ZFHX3: variants seen among roughly 807,000 people sequenced by gnomAD.
ZFHX3 encodes zinc finger homeobox 3.
A neutral mutation model predicts 279.1 loss-of-function variants in ZFHX3; 42 were observed. That is an observed-to-expected ratio of 0.15 (90% CI 0.12 to 0.19). The LOEUF (loss-of-function observed/expected upper bound fraction) is 0.19. ZFHX3 is among the 10% of genes least tolerant of loss of function. The pLI is 1.00. For synonymous variants in ZFHX3, 2,293 were observed against 1,957.8 expected (o/e 1.17, Z -4.52); for missense variants, 4,981 against 4,754.0 (o/e 1.05, Z -1.40).
At chr16:73,238,424 C>T (rs762250307) in intron 5 of ZFHX3, among the ~76,000 whole-genome samples, 36 of 152,014 alleles carry the variant, frequency 2.4e-4, no homozygotes, top group African/African-American at 7.2e-5. Context: ...AACCTGCCTC[C>T]CTTCACCCTC....
chr16:73,753,221 T>C (rs1474471815), intron 1 of ZFHX3, among the ~76,000 whole-genome samples: 1 of 152,160 alleles, frequency 6.6e-6, no homozygotes, highest in Non-Finnish European at 1.5e-5. Context: ...GCAAGACTTG[T>C]GTTCCGGTCG....
At chr16:73,654,324 C>G (rs9929712) in intron 2 of ZFHX3, among the ~76,000 whole-genome samples, 1 of 152,156 alleles carries the variant, frequency 6.6e-6, no homozygotes, top group African/African-American at 2.4e-5. Flanking sequence ...TGAAATGATA[C>G]TCAAAAATTT....
chr16:73,049,739 G>A (rs1324721797), upstream of ZFHX3, among the ~76,000 whole-genome samples: 1 of 152,186 alleles, frequency 6.6e-6, no homozygotes, highest in Admixed American at 6.5e-5. Context: ...AGAGCCAACA[G>A]GGAAGGTGGA....
At chr16:73,634,395 T>C (rs1044128720) in intron 2 of ZFHX3, among the ~76,000 whole-genome samples, 4 of 147,566 alleles carry the variant, frequency 2.7e-5, no homozygotes, top group South Asian at 2.1e-4. Flanking sequence ...GGGAAATATA[T>C]AGTCACGGAG....
In ZFHX3 at chr16:72,957,630, A is replaced by G; in HGVS notation, c.2516T>C (p.Met839Thr). 1.2e-6 allele frequency: 2 copies of G among 1,614,112 alleles called. No homozygotes were observed. Among genetic ancestry groups the G allele is most frequent in the South Asian group, 1.1e-5 (1 of 91,080 alleles). Reference sequence around the variant, plus strand: ...GTGGCGGTTGTGTTGGATCTGGGTCATGTTCTGTTGCAGTAACATCATGTT... The same window carrying G: ...GTGGCGGTTGTGTTGGATCTGGGTCGTGTTCTGTTGCAGTAACATCATGTT... ...MHNMMLLQQN[M>T]TQIQHNRHLG... Residue 839 changes from methionine (M) to threonine (T), a missense_variant, in exon 2 of 10, where the codon ATG becomes ACG. Transcript: ENST00000268489.
intron 5 of ZFHX3, among the ~76,000 whole-genome samples, chr16:73,146,818 C>A (rs1236304435): frequency 2.0e-5 from 3 of 152,030 alleles, no homozygotes; most frequent in Non-Finnish European, 4.4e-5. Flanking sequence ...CCAAGCCCAG[C>A]TAATGTTTTT....
At chr16:73,812,219 A>C (rs1488619973) in intron 1 of ZFHX3, among the ~76,000 whole-genome samples, 1 of 152,182 alleles carries the variant, frequency 6.6e-6, no homozygotes, top group African/African-American at 2.4e-5. Context: ...GGATGCAAGC[A>C]TGGGCTGGGC....
intron 3 of ZFHX3, among the ~76,000 whole-genome samples, chr16:73,413,348 C>T (rs1354241091): frequency 6.6e-6 from 1 of 152,074 alleles, no homozygotes; most frequent in Admixed American, 6.6e-5. Context: ...GAAATGTGAC[C>T]TGTACATAAG....
At chr16:73,294,570 GGAGGCC>G (rs1454160883) in intron 4 of ZFHX3, among the ~76,000 whole-genome samples, 1 of 152,188 alleles carries the variant, frequency 6.6e-6, no homozygotes, top group African/African-American at 2.4e-5. Context: ...CATTACTTCG[GGAGGCC>G]GAGATGGGCA....
rs890441029 is a variant in ZFHX3 at position 73,459,373 on chromosome 16, T to C, written c.-1546-3115A>G. ...GTTGTCTTTTTGTTGTTGTTTTTTT[T>C]TCTGAGATGGATGGAGTCTCATTAT... On this transcript the variant is annotated intron_variant, in intron 2 of 17. Transcript: ENST00000641206. Among the ~76,000 whole-genome samples the C allele has an allele frequency of 2.6e-5, 4 of 152,286 alleles. No homozygotes were observed. The East Asian group carries it at 7.7e-4, about 29-fold the overall frequency.
intron 3 of ZFHX3, among the ~76,000 whole-genome samples, chr16:72,905,351 C>A (rs1405738336): frequency 6.6e-6 from 1 of 152,112 alleles, no homozygotes; most frequent in East Asian, 1.9e-4. Context: ...AAAGGGCTCG[C>A]CCCTCCCCAC....
rs1389349312 is a variant in ZFHX3, at chr16:73,890,872, C to CCACCACCAT, written c.-1608+770_-1608+778dup. Reference sequence around the variant, plus strand: ...GTAATCATCGCAATCAGCATCACCACCACCACCATCACCATCATCACAATA... The same window carrying CCACCACCAT: ...GTAATCATCGCAATCAGCATCACCACCACCACCATCACCACCATCACCATCATCACAATA... On this transcript the variant is annotated intron_variant, in intron 1 of 17. Transcript: ENST00000641206. Among the ~76,000 whole-genome samples, 5 of 152,258 alleles carry CCACCACCAT rather than the reference C, an allele frequency of 3.3e-5. No individual in the cohort carries two copies. The East Asian group carries it at 9.7e-4, about 29-fold the overall frequency.
intron 2 of ZFHX3, among the ~76,000 whole-genome samples, chr16:73,493,293 C>T (rs139851446): frequency 1.3e-3 from 195 of 152,282 alleles, no homozygotes; most frequent in African/African-American, 4.3e-3. Context: ...CACAGATTCA[C>T]GCACATCAGA....
chr16:73,676,092 TA>T (rs1000904488), intron 2 of ZFHX3, among the ~76,000 whole-genome samples: 8 of 151,800 alleles, frequency 5.3e-5, no homozygotes, highest in Admixed American at 3.3e-4. Flanking sequence ...TCAAAAATAA[TA>T]AGGAAAAAGT....
intron 5 of ZFHX3, among the ~76,000 whole-genome samples, chr16:73,251,475 C>T (rs1035188478): frequency 6.6e-6 from 1 of 152,128 alleles, no homozygotes; most frequent in African/African-American, 2.4e-5. Flanking sequence ...AATTACTAGC[C>T]TATTTTATAG....
At chr16:73,207,078 TA>T (rs67312817) in intron 5 of ZFHX3, among the ~76,000 whole-genome samples, 4,364 of 150,866 alleles carry the variant, frequency 0.029, 244 homozygotes, top group African/African-American at 0.1. Flanking sequence ...AAATAAAAAA[TA>T]AAAAAAAGTA....
chr16:72,989,160 C>A, intron 1 of ZFHX3, among the ~76,000 whole-genome samples: 1 of 149,456 alleles, frequency 6.7e-6, no homozygotes. Context: ...GGCAAGACAG[C>A]AAGACGCTGT....
intron 3 of ZFHX3, among the ~76,000 whole-genome samples, chr16:73,442,612 C>T (rs1055242008): frequency 2.0e-5 from 3 of 152,080 alleles, no homozygotes; most frequent in African/African-American, 2.4e-5. Context: ...TATTGAATTC[C>T]GAATAGAATT....
chr16:72,965,963 C>A (rs900904454), intron 1 of ZFHX3, among the ~76,000 whole-genome samples: 4 of 152,136 alleles, frequency 2.6e-5, no homozygotes, highest in Non-Finnish European at 5.9e-5. Context: ...ATAAAGTCTG[C>A]TTTTTTATCT....
Sources: gnomAD v4.1 joint callset for allele counts (sites outside exome capture counted in the v4.1 genomes callset) on GRCh38, gnomAD v4.1.1 for gene constraint, MANE v1.5 for transcripts, NCBI Gene and HGNC (gene_info 2026-07-23, HGNC 2026-07-21) for gene names.